RB1CC1: variants seen among roughly 807,000 people sequenced by gnomAD.
RB1CC1 encodes RB1-inducible coiled-coil protein 1.
In RB1CC1, 46 loss-of-function variants were observed where a neutral mutation model predicts 177.5. That is an observed-to-expected ratio of 0.26 (90% CI 0.20 to 0.33). The LOEUF (loss-of-function observed/expected upper bound fraction) is 0.33. Ranked by LOEUF, RB1CC1 falls within the 10% of genes least tolerant of loss-of-function variation. RB1CC1 has a pLI of 1.00. For missense variants in RB1CC1, 1,703 were observed against 1,816.3 expected (o/e 0.94, Z 1.13); for synonymous variants, 666 against 613.6 (o/e 1.09, Z -1.26).
chr8:52,708,430 T>C (rs1026933052), intron 1 of RB1CC1, among the ~76,000 whole-genome samples: 2 of 152,146 alleles, frequency 1.3e-5, no homozygotes, highest in Non-Finnish European at 2.9e-5. Flanking sequence ...GGTGGGAGAA[T>C]GGCGTGAACC....
At chr8:52,639,832 C>T (rs1849426354) in intron 18 of RB1CC1, among the ~76,000 whole-genome samples, 1 of 152,126 alleles carries the variant, frequency 6.6e-6, no homozygotes, top group African/African-American at 2.4e-5. Context: ...ACTATATCAT[C>T]ATAAAACCAC....
chr8:52,675,281 C>G (rs1356362095), intron 6 of RB1CC1, among the ~76,000 whole-genome samples: 1 of 151,848 alleles, frequency 6.6e-6, no homozygotes, highest in East Asian at 1.9e-4. Context: ...TAAAAGGTTA[C>G]CCAAATTTAA....
intron 7 of RB1CC1, among the ~76,000 whole-genome samples, chr8:52,669,981 T>C (rs1341802879): frequency 3.3e-5 from 5 of 152,218 alleles, no homozygotes; most frequent in African/African-American, 4.8e-5. Flanking sequence ...TGAGCCACGT[T>C]CTGGCTCTGT....
At chr8:52,675,394 A>G (rs1853005359) in intron 6 of RB1CC1, among the ~76,000 whole-genome samples, 1 of 152,316 alleles carries the variant, frequency 6.6e-6, no homozygotes, top group South Asian at 2.1e-4. Context: ...TACAGATCCA[A>G]AACAAAAAAC....
chr8:52,629,761 C>G (rs1848631410), intron 21 of RB1CC1, among the ~76,000 whole-genome samples: 1 of 152,184 alleles, frequency 6.6e-6, no homozygotes, highest in Non-Finnish European at 1.5e-5. Flanking sequence ...TTTCTACTGA[C>G]AGCTCTTTCA....
At chr8:52,653,025 C>A (rs1850753291) in intron 15 of RB1CC1, among the ~76,000 whole-genome samples, 1 of 152,114 alleles carries the variant, frequency 6.6e-6, no homozygotes. Context: ...CCACTGCACT[C>A]CAGCCTGGGT....
intron 6 of RB1CC1, among the ~76,000 whole-genome samples, chr8:52,674,970 C>T (rs902685561): frequency 2.0e-5 from 3 of 151,940 alleles, no homozygotes; most frequent in Admixed American, 2.0e-4. Flanking sequence ...AATAACAATC[C>T]TAATGAAGAT....
intron 7 of RB1CC1, among the ~76,000 whole-genome samples, chr8:52,669,962 ATTTAT>A (rs1176745257): frequency 1.9e-5 from 2 of 105,116 alleles, no homozygotes; most frequent in Admixed American, 2.4e-4. Context: ...CCTAAAAAAA[ATTTAT>A]TTTTGAGCCA....
chr8:52,668,268 C>T (rs1351191355), intron 7 of RB1CC1, 77 bp from the exon 8 acceptor site: 1 of 1,489,782 alleles, frequency 6.7e-7, no homozygotes, highest in African/African-American at 1.4e-5. Flanking sequence ...TTCTGACATA[C>T]AGCTTGAGAG....
intron 11 of RB1CC1, 71 bp from the exon 12 acceptor site, chr8:52,660,728 GA>G (rs33955860): frequency 0.19 from 267,081 of 1,380,986 alleles, 28,374 homozygotes; most frequent in Non-Finnish European, 0.21. Context: ...TCTGGTTTTT[GA>G]AAAGGTAAAT....
chr8:52,680,999 T>TGG (rs1156981044), intron 5 of RB1CC1, among the ~76,000 whole-genome samples: 4 of 148,044 alleles, frequency 2.7e-5, no homozygotes, highest in African/African-American at 9.9e-5. Context: ...TGTGTGTTTT[T>TGG]TTTTTTTTTT....
chr8:52,684,569 C>T (rs1374668200), intron 3 of RB1CC1, among the ~76,000 whole-genome samples: 3 of 152,128 alleles, frequency 2.0e-5, no homozygotes, highest in Non-Finnish European at 4.4e-5. Context: ...CTATTTCTTT[C>T]CTGTCCTGTC....
intron 1 of RB1CC1, among the ~76,000 whole-genome samples, chr8:52,705,190 CA>C (rs1856442377): frequency 6.6e-6 from 1 of 152,170 alleles, no homozygotes; most frequent in Admixed American, 6.5e-5. Context: ...CATTAATAAA[CA>C]TAATGCATGA....
At chr8:52,681,585 T>C (rs554222762) in intron 5 of RB1CC1, among the ~76,000 whole-genome samples, 1 of 152,148 alleles carries the variant, frequency 6.6e-6, no homozygotes, top group Non-Finnish European at 1.5e-5. Flanking sequence ...CTTTAGAATT[T>C]GTTTTATAAA....
At chr8:52,631,733 A>C (rs1215127570) in intron 20 of RB1CC1, among the ~76,000 whole-genome samples, 1 of 152,168 alleles carries the variant, frequency 6.6e-6, no homozygotes, top group African/African-American at 2.4e-5. Context: ...AATTCACCAC[A>C]GCGTGCTCAG....
At chr8:52,680,291 T>C (rs1023079648) in intron 5 of RB1CC1, among the ~76,000 whole-genome samples, 3 of 152,086 alleles carry the variant, frequency 2.0e-5, no homozygotes, top group African/African-American at 7.2e-5. Context: ...GCTCAGGAAA[T>C]AAGTTAAAAA....
rs753765201 is a variant in RB1CC1 at position 52,661,054 on chromosome 8, T to TA, written c.1545+40dup. ...TAAACATAAACATACACCAATTCGT[T>TA]AAAGTTCATATACAGTTAAAATAGA... On this transcript the variant is annotated intron_variant, in intron 10 of 23. Coordinates refer to ENST00000025008, the MANE Select transcript of RB1CC1 (RefSeq NM_014781.5). 7.4e-6 allele frequency: 12 copies of TA among 1,611,180 alleles called. No homozygotes were observed. In the African/African-American group the frequency reaches 1.1e-4, roughly 14 times the overall value.
intron 20 of RB1CC1, among the ~76,000 whole-genome samples, chr8:52,633,566 CACT>C (rs1848916164): frequency 6.6e-6 from 1 of 152,158 alleles, no homozygotes; most frequent in African/African-American, 2.4e-5. Flanking sequence ...GGAGATGTCT[CACT>C]ACAAGATATT....
chr8:52,656,277 A>G lies in RB1CC1; in HGVS notation c.3552T>C (p.Asp1184=). The G allele has an allele frequency of 6.2e-7, 1 of 1,613,380 alleles. No homozygotes were observed. The highest frequency in any genetic ancestry group is 8.5e-7 in the Non-Finnish European group (1 of 1,179,834). The change falls in exon 15 of 24, where the codon GAT becomes GAC. Residue 1184 remains aspartate, a synonymous_variant. Coordinates refer to ENST00000025008, the MANE Select transcript of RB1CC1 (RefSeq NM_014781.5). ...GTCTTTCAAGAGCACTCAATTCTGA[A>G]TCCAATTTACTCTGCAGTTCAATTA... The part of the protein sequence containing the change: ...EQIIELQSKL[D]SELSALERQK...
Sources: allele counts gnomAD v4.1 joint callset (sites outside exome capture counted in the v4.1 genomes callset), GRCh38; gene constraint gnomAD v4.1.1; transcripts MANE v1.5; gene names NCBI Gene and HGNC (gene_info 2026-07-23, HGNC 2026-07-21).